GULP1: variants seen among roughly 807,000 people sequenced by gnomAD.
GULP1 encodes the protein PTB domain-containing engulfment adapter protein 1.
GULP1 carries 19 observed loss-of-function variants against 40.9 expected under a neutral mutation model. The observed-to-expected ratio is 0.46, with a 90% CI of 0.32 to 0.68. The LOEUF is 0.68. Among genes scored for constraint, GULP1 ranks in the 30% least tolerant of loss-of-function variants. The pLI is 0.03. For missense variants in GULP1, 312 were observed against 362.2 expected (o/e 0.86, Z 1.12); for synonymous variants, 119 against 117.6 (o/e 1.01, Z -0.08).
At chr2:188,511,427 C>T (rs1425740536) in intron 4 of GULP1, among the ~76,000 whole-genome samples, 1 of 152,116 alleles carries the variant, frequency 6.6e-6, no homozygotes, top group South Asian at 2.1e-4. Flanking sequence ...TTTTGGTTTT[C>T]TATTCAAGTT....
At chr2:188,589,851 G>C in intron 11 of GULP1, 1 of 540,692 alleles carries the variant, frequency 1.8e-6, no homozygotes, top group Non-Finnish European at 3.2e-6. Flanking sequence ...TCAAACAACA[G>C]CTTCATATGG....
intron 9 of GULP1, among the ~76,000 whole-genome samples, chr2:188,572,306 A>C (rs181108864): frequency 6.6e-6 from 1 of 152,324 alleles, no homozygotes; most frequent in East Asian, 1.9e-4. Flanking sequence ...ATATATAAAG[A>C]GTAAAAATAA....
chr2:188,302,910 G>A (rs780162267), intron 1 of GULP1, among the ~76,000 whole-genome samples: 21 of 152,042 alleles, frequency 1.4e-4, no homozygotes, highest in Non-Finnish European at 2.9e-4. Context: ...CTTACATCCT[G>A]CTATTTGGCT....
chr2:188,572,601 CACTTTTTCTTTA>C (rs1699293078), intron 9 of GULP1, among the ~76,000 whole-genome samples: 1 of 152,180 alleles, frequency 6.6e-6, no homozygotes, highest in Non-Finnish European at 1.5e-5. Flanking sequence ...TTGTTGTCTA[CACTTTTTCTTTA>C]ACTTTAAAAA....
intron 2 of GULP1, among the ~76,000 whole-genome samples, chr2:188,392,895 T>C (rs2050716167): frequency 6.6e-6 from 1 of 152,112 alleles, no homozygotes; most frequent in Admixed American, 6.6e-5. Context: ...TGTATAATTT[T>C]GAGAGTTCCT....
intron 1 of GULP1, among the ~76,000 whole-genome samples, chr2:188,374,563 G>A (rs1234170514): frequency 5.3e-5 from 8 of 152,242 alleles, no homozygotes; most frequent in South Asian, 2.1e-4. Flanking sequence ...CCTCCAGTTC[G>A]TTAATTCAAG....
chr2:188,321,110 C>T (rs2039916808), intron 1 of GULP1, among the ~76,000 whole-genome samples: 1 of 152,094 alleles, frequency 6.6e-6, no homozygotes, highest in East Asian at 1.9e-4. Flanking sequence ...AAAAGAATTA[C>T]CTATTTCAAG....
intron 2 of GULP1, among the ~76,000 whole-genome samples, chr2:188,470,145 C>G (rs1226768198): frequency 6.6e-6 from 1 of 152,040 alleles, no homozygotes; most frequent in East Asian, 1.9e-4. Flanking sequence ...TATTAATTCT[C>G]TAAATGTTTG....
intron 2 of GULP1, among the ~76,000 whole-genome samples, chr2:188,399,133 T>C (rs1489699531): frequency 6.6e-6 from 1 of 152,178 alleles, no homozygotes; most frequent in Non-Finnish European, 1.5e-5. Flanking sequence ...CAGAAACTAG[T>C]TCTGTCTGTT....
intron 1 of GULP1, among the ~76,000 whole-genome samples, chr2:188,312,360 A>G (rs887677305): frequency 2.0e-5 from 3 of 151,910 alleles, no homozygotes; most frequent in African/African-American, 7.3e-5. Context: ...CTCTGTGTCC[A>G]TTGTTCAACT....
At chr2:188,584,552 C>T (rs1055471504) in intron 10 of GULP1, 149 bp downstream of exon 10, 2 of 406,722 alleles carry the variant, frequency 4.9e-6, no homozygotes, top group African/African-American at 4.1e-5. Flanking sequence ...TATAAATTTC[C>T]ATTAATTCTA....
chr2:188,502,337 A>G (rs2063512965), intron 4 of GULP1, among the ~76,000 whole-genome samples: 2 of 151,932 alleles, frequency 1.3e-5, no homozygotes, highest in African/African-American at 2.4e-5. Flanking sequence ...CTTATTGTCT[A>G]ACTTATCAGG....
At chr2:188,547,058 A>T (rs964735137) in intron 7 of GULP1, among the ~76,000 whole-genome samples, 36 of 152,082 alleles carry the variant, frequency 2.4e-4, no homozygotes, top group African/African-American at 8.7e-4. Flanking sequence ...ATAAATTAAA[A>T]GTTATTAAAA....
intron 1 of GULP1, among the ~76,000 whole-genome samples, chr2:188,318,175 A>T (rs2039412049): frequency 6.6e-6 from 1 of 152,184 alleles, no homozygotes; most frequent in Admixed American, 6.5e-5. Flanking sequence ...TTCAGAATTA[A>T]ATAAAGCAGA....
chr2:188,310,170 G>T (rs1451117697), intron 1 of GULP1, among the ~76,000 whole-genome samples: 1 of 152,038 alleles, frequency 6.6e-6, no homozygotes, highest in Non-Finnish European at 1.5e-5. Context: ...TGGACTCTGA[G>T]GAACCATTCA....
intron 7 of GULP1, among the ~76,000 whole-genome samples, chr2:188,561,846 G>T (rs1443512389): frequency 6.6e-6 from 1 of 152,102 alleles, no homozygotes; most frequent in Non-Finnish European, 1.5e-5. Context: ...GGTAGTCCTT[G>T]CCTAGGTTGT....
At chr2:188,366,161 G>A (rs1168138675) in intron 1 of GULP1, among the ~76,000 whole-genome samples, 3 of 152,016 alleles carry the variant, frequency 2.0e-5, no homozygotes, top group Non-Finnish European at 4.4e-5. Flanking sequence ...GGCAAAAGAA[G>A]GGCCTGTAAA....
At chr2:188,407,280 G>C (rs1018946573) in intron 2 of GULP1, among the ~76,000 whole-genome samples, 1 of 152,062 alleles carries the variant, frequency 6.6e-6, no homozygotes, top group African/African-American at 2.4e-5. Flanking sequence ...TTAAAGAAAA[G>C]GATGCTAATT....
chr2:188,357,485 A>C (rs2045496947), intron 1 of GULP1, among the ~76,000 whole-genome samples: 1 of 152,194 alleles, frequency 6.6e-6, no homozygotes, highest in Admixed American at 6.6e-5. Context: ...GTGCATATCA[A>C]AACTATGATG....
Sources: gnomAD v4.1 joint callset for allele counts (sites outside exome capture counted in the v4.1 genomes callset) on GRCh38, gnomAD v4.1.1 for gene constraint, MANE v1.5 for transcripts, NCBI Gene and HGNC (gene_info 2026-07-23, HGNC 2026-07-21) for gene names.